Variants in NR5A2 observed in about 807,000 individuals in gnomAD.
NR5A2 encodes CYP7A promoter-binding factor.
In NR5A2, 26 loss-of-function variants were observed where a neutral mutation model predicts 62.7. That is an observed-to-expected ratio of 0.41 (90% CI 0.30 to 0.58). The LOEUF is 0.58. Ranked by LOEUF, NR5A2 falls within the 20% of genes least tolerant of loss-of-function variation. The pLI, the probability that NR5A2 is intolerant of heterozygous loss-of-function variation, is 0.22. For missense variants in NR5A2, 541 were observed against 669.1 expected (o/e 0.81, Z 2.11); for synonymous variants, 246 against 241.7 (o/e 1.02, Z -0.16).
At chr1:200,035,131 C>T (rs1661716764) in intron 1 of NR5A2, among the ~76,000 whole-genome samples, 1 of 152,118 alleles carries the variant, frequency 6.6e-6, no homozygotes, top group Admixed American at 6.5e-5. Context: ...TGCTCCTCTT[C>T]CCCCTCGGGC....
chr1:200,150,837 G>C lies in NR5A2; in HGVS notation c.1379-23126G>C, dbSNP rs556831318. Among the ~76,000 whole-genome samples, 5 of 152,250 alleles carry C rather than the reference G, an allele frequency of 3.3e-5. 1 individual carries two copies. The highest frequency in any genetic ancestry group is 1.2e-4 in the African/African-American group (5 of 41,546). ...ATCACCCATGAGTCATAGGACTCTGGGTACTCTTAGAGGTCAGAAACCGCT... is the reference window on the plus strand; with the variant it reads ...ATCACCCATGAGTCATAGGACTCTGCGTACTCTTAGAGGTCAGAAACCGCT... On this transcript the variant is annotated intron_variant, in intron 7 of 7. Coordinates refer to ENST00000367362, the MANE Select transcript of NR5A2 (RefSeq NM_205860.3).
At chr1:200,038,330 G>A (rs1661878404) in intron 1 of NR5A2, among the ~76,000 whole-genome samples, 1 of 152,196 alleles carries the variant, frequency 6.6e-6, no homozygotes. Context: ...ATGATCTTGG[G>A]CTCCAGTCGA....
At position 200,027,823 on chromosome 1, in the gene NR5A2, A is replaced by G; in HGVS notation, c.-25A>G. On this transcript the variant is annotated 5_prime_UTR_variant, in exon 1 of 8. Transcript: ENST00000367362. Reference sequence around the variant, plus strand: ...CTCAATGATTTCTGCTTTAAGCCAAAGAACTGCCTATAATTTCACTAAGAA... The same window carrying G: ...CTCAATGATTTCTGCTTTAAGCCAAGGAACTGCCTATAATTTCACTAAGAA... The G allele has an allele frequency of 6.4e-7, 1 of 1,563,298 alleles. No homozygotes were observed. Among genetic ancestry groups the G allele is most frequent in the Non-Finnish European group, 8.7e-7 (1 of 1,150,328 alleles).
At chr1:200,061,476 C>T (rs984023694) in intron 5 of NR5A2, among the ~76,000 whole-genome samples, 2 of 151,968 alleles carry the variant, frequency 1.3e-5, no homozygotes, top group African/African-American at 4.8e-5. Context: ...CAAGACTTCT[C>T]CATATTGGTC....
intron 2 of NR5A2, among the ~76,000 whole-genome samples, chr1:200,040,426 G>C (rs143061474): frequency 8.0e-4 from 122 of 152,312 alleles, no homozygotes; most frequent in Middle Eastern, 6.8e-3. Context: ...GAGGACAGCG[G>C]TTCGTTTATT....
intron 6 of NR5A2, 64 bp from the exon 7 acceptor site, chr1:200,120,744 C>A (rs10494808): frequency 4.8e-6 from 7 of 1,447,638 alleles, no homozygotes; most frequent in Non-Finnish European, 6.4e-6. Context: ...ATAGTTCTTA[C>A]GACTCAGGTG....
intron 7 of NR5A2, among the ~76,000 whole-genome samples, chr1:200,156,397 C>A (rs1168771006): frequency 6.6e-6 from 1 of 152,168 alleles, no homozygotes; most frequent in East Asian, 1.9e-4. Context: ...AGTACCCATA[C>A]AACCATTCTG....
At chr1:200,066,040 G>A (rs914015105) in intron 5 of NR5A2, among the ~76,000 whole-genome samples, 3 of 152,162 alleles carry the variant, frequency 2.0e-5, no homozygotes, top group Admixed American at 6.5e-5. Context: ...GCCATAGGAG[G>A]ATTTTAAGCA....
chr1:200,043,813 A>G lies in NR5A2; in HGVS notation c.242A>G (p.Asp81Gly). 6.2e-7 allele frequency: 1 copy of G among 1,613,662 alleles called. No individual in the cohort carries two copies. Among genetic ancestry groups the G allele is most frequent in the South Asian group, 1.1e-5 (1 of 91,034 alleles). The change falls in exon 3 of 8, where the codon GAT becomes GGT. Residue 81 changes from aspartate (D) to glycine (G), a missense_variant. By Grantham distance (94) the Asp-to-Gly change is moderately conservative. Coordinates refer to ENST00000367362, the MANE Select transcript of NR5A2 (RefSeq NM_205860.3). Reference protein sequence around the residue: ...FKMVNYSYDEDLEELCPVCGD... With the variant: ...FKMVNYSYDEGLEELCPVCGD... ...ATGGTGAATTACTCCTATGATGAAG[A>G]TCTGGAAGAGCTTTGTCCCGTGTGT... is the stretch of plus-strand genomic sequence containing the variant.
Position 200,175,278 on chromosome 1 carries a change from C to T in NR5A2, c.*1068C>T, listed in dbSNP as rs1400081667. ...GAAAGGATGAGGTGATGTATTGACT[C>T]AAGGTTCATTCTTGCTGCAATTGAA... On this transcript the variant is annotated 3_prime_UTR_variant, in exon 8 of 8. Transcript: ENST00000367362. The T allele has an allele frequency of 6.6e-6, 1 of 152,326 alleles. No individual in the cohort carries two copies. Among genetic ancestry groups the T allele is most frequent in the Non-Finnish European group, 1.5e-5 (1 of 68,040 alleles). 9.4% of individuals were successfully genotyped at this position (152,326 alleles called of 1,614,324 possible). A position where few individuals can be genotyped will look rare whatever the true frequency, so the allele number is the denominator to read the frequency against.
At chr1:200,042,844 G>C in intron 2 of NR5A2, 1 of 985,528 alleles carries the variant, frequency 1.0e-6, no homozygotes, top group Non-Finnish European at 1.2e-6. Flanking sequence ...CATCTTTTTA[G>C]CTGCGAAGAC....
intron 7 of NR5A2, among the ~76,000 whole-genome samples, chr1:200,131,873 C>T (rs948218754): frequency 6.6e-6 from 1 of 152,172 alleles, no homozygotes; most frequent in South Asian, 2.1e-4. Context: ...AAATTTCAAA[C>T]AGACCAATCC....
chr1:200,111,053 TG>T, intron 5 of NR5A2, 148 bp from the exon 6 acceptor site: 1 of 810,748 alleles, frequency 1.2e-6, no homozygotes, highest in Admixed American at 3.2e-5. Flanking sequence ...ATATGAATTC[TG>T]GGCACCTGTG....
intron 5 of NR5A2, among the ~76,000 whole-genome samples, chr1:200,109,611 C>G (rs758919901): frequency 5.3e-5 from 8 of 152,140 alleles, no homozygotes; most frequent in Non-Finnish European, 1.2e-4. Flanking sequence ...GCCAGAAACT[C>G]TTATCACTAC....
At chr1:200,056,263 T>C (rs575252106) in intron 5 of NR5A2, among the ~76,000 whole-genome samples, 1 of 152,370 alleles carries the variant, frequency 6.6e-6, no homozygotes, top group African/African-American at 2.4e-5. Flanking sequence ...GTTTGTGCTA[T>C]GGCCAACTCA....
intron 6 of NR5A2, among the ~76,000 whole-genome samples, chr1:200,118,326 T>C (rs1666335184): frequency 6.6e-6 from 1 of 152,186 alleles, no homozygotes; most frequent in African/African-American, 2.4e-5. Flanking sequence ...TCTTAACTAG[T>C]GGTATTTACT....
intron 7 of NR5A2, among the ~76,000 whole-genome samples, chr1:200,162,290 A>G (rs187476779): frequency 6.6e-6 from 1 of 152,344 alleles, no homozygotes; most frequent in Non-Finnish European, 1.5e-5. Flanking sequence ...GAGGACTTCA[A>G]GGAGGCTTCC....
At chr1:200,030,689 T>G (rs1661517442) in intron 1 of NR5A2, among the ~76,000 whole-genome samples, 1 of 152,228 alleles carries the variant, frequency 6.6e-6, no homozygotes, top group Non-Finnish European at 1.5e-5. Flanking sequence ...TATTGACCAC[T>G]CCCACAGTGC....
intron 7 of NR5A2, among the ~76,000 whole-genome samples, chr1:200,156,148 T>C (rs973051297): frequency 6.6e-6 from 1 of 152,178 alleles, no homozygotes; most frequent in African/African-American, 2.4e-5. Context: ...TTGTTTTACA[T>C]CCTTAACACT....
Sources: gnomAD v4.1 joint callset for allele counts (sites outside exome capture counted in the v4.1 genomes callset) on GRCh38, gnomAD v4.1.1 for gene constraint, MANE v1.5 for transcripts, NCBI Gene and HGNC (gene_info 2026-07-23, HGNC 2026-07-21) for gene names.